The following C8orf34 variants were observed in gnomAD, a reference collection of about 807,000 sequenced individuals.
The protein encoded by C8orf34 is uncharacterized protein C8orf34.
In C8orf34, 65 loss-of-function variants were observed where a neutral mutation model predicts 68.3. That is an observed-to-expected ratio of 0.95 (90% CI 0.78 to 1.17). C8orf34 has a LOEUF of 1.17. Among genes scored for constraint, C8orf34 ranks in the 50% most tolerant of loss-of-function variants. C8orf34 has a pLI of 0.00. For missense variants in C8orf34, 664 were observed against 655.4 expected (o/e 1.01, Z -0.14); for synonymous variants, 244 against 241.2 (o/e 1.01, Z -0.11).
chr8:68,459,999 C>T (rs551261109), intron 3 of C8orf34, among the ~76,000 whole-genome samples: 15 of 152,256 alleles, frequency 9.9e-5, no homozygotes, highest in South Asian at 2.1e-4. Flanking sequence ...TTGCCTCACT[C>T]GGGAAACACA....
intron 1 of C8orf34, among the ~76,000 whole-genome samples, chr8:68,352,068 G>C (rs185571826): frequency 4.7e-4 from 71 of 151,852 alleles, no homozygotes; most frequent in South Asian, 1.5e-3. Context: ...GAGTTTTAAG[G>C]GTTCTTTGTA....
chr8:68,685,878 GTAAATAAATAAA>G (rs57861421), intron 8 of C8orf34, among the ~76,000 whole-genome samples: 352 of 139,206 alleles, frequency 2.5e-3, no homozygotes, highest in African/African-American at 4.8e-3. Context: ...CCCTATCTCA[GTAAATAAATAAA>G]TAAATAAATA....
chr8:68,790,585 G>C (rs1368305641), intron 12 of C8orf34, among the ~76,000 whole-genome samples: 1 of 152,132 alleles, frequency 6.6e-6, no homozygotes, highest in Non-Finnish European at 1.5e-5. Context: ...TAAATAGGGA[G>C]CTTTATAAAC....
chr8:68,673,321 C>T (rs1442181936), intron 8 of C8orf34, among the ~76,000 whole-genome samples: 1 of 151,636 alleles, frequency 6.6e-6, no homozygotes, highest in Non-Finnish European at 1.5e-5. Flanking sequence ...AAGTAGACCC[C>T]TAAGTGGACT....
At chr8:68,677,988 G>C (rs1237587882) in intron 8 of C8orf34, among the ~76,000 whole-genome samples, 1 of 152,056 alleles carries the variant, frequency 6.6e-6, no homozygotes, top group Non-Finnish European at 1.5e-5. Context: ...CCTAAAAGAA[G>C]TGGATAAACT....
chr8:68,765,743 G>T (rs930047408), intron 10 of C8orf34, among the ~76,000 whole-genome samples: 4 of 152,136 alleles, frequency 2.6e-5, no homozygotes, highest in African/African-American at 7.2e-5. Context: ...TGCTAATTTG[G>T]TTGGAACCTT....
intron 10 of C8orf34, among the ~76,000 whole-genome samples, chr8:68,748,899 A>G (rs1284677448): frequency 6.6e-6 from 1 of 152,246 alleles, no homozygotes; most frequent in East Asian, 1.9e-4. Context: ...ATACACCCAA[A>G]GGACTGTAAA....
chr8:68,699,457 C>T (rs1048526130), intron 8 of C8orf34, among the ~76,000 whole-genome samples: 15 of 152,026 alleles, frequency 9.9e-5, no homozygotes, highest in Non-Finnish European at 1.8e-4. Flanking sequence ...TGAACATAAT[C>T]CTTTCTTTGG....
intron 6 of C8orf34, among the ~76,000 whole-genome samples, chr8:68,526,323 C>T (rs6983057): frequency 0.51 from 76,911 of 151,860 alleles, 19,528 homozygotes; most frequent in African/African-American, 0.52. Context: ...ATGAAGTCAT[C>T]TGGACAGGTT....
intron 13 of C8orf34, 82 bp downstream of exon 13, chr8:68,816,027 A>G: frequency 1.9e-6 from 3 of 1,609,014 alleles, no homozygotes; most frequent in Non-Finnish European, 8.5e-7. Context: ...GTATTAAAAA[A>G]GTACGTAGTC....
intron 8 of C8orf34, among the ~76,000 whole-genome samples, chr8:68,674,232 C>T (rs991267092): frequency 6.6e-6 from 1 of 152,076 alleles, no homozygotes; most frequent in Non-Finnish European, 1.5e-5. Flanking sequence ...TTCTTCAATG[C>T]CCAGACACTG....
At chr8:68,350,676 A>G (rs1354915287) in intron 1 of C8orf34, among the ~76,000 whole-genome samples, 1 of 151,874 alleles carries the variant, frequency 6.6e-6, no homozygotes, top group East Asian at 1.9e-4. Flanking sequence ...AACCCTTTAC[A>G]ATTATGTAAT....
In C8orf34 at chr8:68,573,996, G is replaced by A. The variant is rs147682859; in HGVS notation, c.1105+40847G>A. Among the ~76,000 whole-genome samples the A allele has an allele frequency of 5.9e-3, 896 of 152,134 alleles. 18 individuals carry two copies. The highest frequency in any genetic ancestry group is 0.02 in the African/African-American group (850 of 41,520). On this transcript the variant is annotated intron_variant, in intron 7 of 13. Transcript: ENST00000518698. ...AGCATTAGATGATCAAAAGTTTTGC[G>A]AAGTTCTACAGTTAAGAAACTGATT...
intron 10 of C8orf34, among the ~76,000 whole-genome samples, chr8:68,756,078 C>CA (rs1342326162): frequency 0.025 from 2,464 of 98,962 alleles, 68 homozygotes; most frequent in African/African-American, 0.11. Context: ...AAAAAACAAA[C>CA]AAAAAAACAA....
chr8:68,581,306 C>A (rs920232719), intron 7 of C8orf34, among the ~76,000 whole-genome samples: 9 of 151,952 alleles, frequency 5.9e-5, no homozygotes, highest in Non-Finnish European at 1.3e-4. Flanking sequence ...GTCTCTGTGT[C>A]CATGTGTCTT....
intron 7 of C8orf34, among the ~76,000 whole-genome samples, chr8:68,632,775 G>T (rs193120030): frequency 8.6e-4 from 131 of 152,284 alleles, no homozygotes; most frequent in Non-Finnish European, 1.3e-4. Context: ...TCAAACTATG[G>T]CTTAAGAGGA....
At chr8:68,607,351 G>T (rs1817885310) in intron 7 of C8orf34, among the ~76,000 whole-genome samples, 1 of 152,072 alleles carries the variant, frequency 6.6e-6, no homozygotes, top group African/African-American at 2.4e-5. Flanking sequence ...CAAGATCAAG[G>T]TGTCGGCAGG....
chr8:68,744,716 A>C (rs1373133222), intron 10 of C8orf34, among the ~76,000 whole-genome samples: 3 of 152,242 alleles, frequency 2.0e-5, no homozygotes, highest in African/African-American at 7.2e-5. Flanking sequence ...CAAAGCCTCC[A>C]AGAAATATGG....
At chr8:68,579,332 C>A (rs1223546379) in intron 7 of C8orf34, among the ~76,000 whole-genome samples, 2 of 152,052 alleles carry the variant, frequency 1.3e-5, no homozygotes, top group African/African-American at 4.8e-5. Context: ...CTTTAAAATG[C>A]AGATAGAAAC....
Sources: allele counts gnomAD v4.1 joint callset (sites outside exome capture counted in the v4.1 genomes callset), GRCh38; gene constraint gnomAD v4.1.1; transcripts MANE v1.5; gene names NCBI Gene and HGNC (gene_info 2026-07-23, HGNC 2026-07-21).